The following FUT9 variants were observed in gnomAD, a reference collection of about 807,000 sequenced individuals.
FUT9 encodes the protein 4-galactosyl-N-acetylglucosaminide 3-alpha-L-fucosyltransferase 9.
FUT9 carries 15 observed loss-of-function variants against 29.7 expected under a neutral mutation model. The observed-to-expected ratio is 0.51, with a 90% CI of 0.34 to 0.78. The LOEUF is 0.78. Among genes scored for constraint, FUT9 ranks in the 30% least tolerant of loss-of-function variants. FUT9 has a pLI of 0.01. For missense variants in FUT9, 319 were observed against 425.4 expected, an observed-to-expected ratio of 0.75 and a Z score of 2.20; for synonymous variants, 169 against 153.7, an observed-to-expected ratio of 1.10 and a Z score of -0.74.
intron 1 of FUT9, among the ~76,000 whole-genome samples, chr6:96,035,975 CATTATGTTTATTATATTAATATAATAT>C: frequency 7.0e-5 from 4 of 56,900 alleles, no homozygotes; most frequent in Non-Finnish European, 1.2e-4. Flanking sequence ...TAATATAATA[CATTATGTTTATTATATTAATATAATAT>C]AATACATTAT....
intron 1 of FUT9, among the ~76,000 whole-genome samples, chr6:96,062,335 T>C (rs939262437): frequency 5.3e-5 from 8 of 150,880 alleles, no homozygotes; most frequent in African/African-American, 1.9e-4. Context: ...AAATCTTTAC[T>C]CTCTATAGCT....
At chr6:96,043,721 T>C (rs915288335) in intron 1 of FUT9, among the ~76,000 whole-genome samples, 2 of 152,210 alleles carry the variant, frequency 1.3e-5, no homozygotes, top group East Asian at 3.9e-4. Flanking sequence ...GAAAGAATGC[T>C]CCCACAGGGG....
intron 1 of FUT9, among the ~76,000 whole-genome samples, chr6:96,070,145 A>G (rs1771033542): frequency 6.6e-6 from 1 of 152,188 alleles, no homozygotes; most frequent in African/African-American, 2.4e-5. Context: ...TACCTTGTTG[A>G]TGAGCTGATA....
chr6:96,208,204 C>T lies in FUT9; in HGVS notation c.*3969C>T, dbSNP rs1264149278. 8 of 48,260 alleles carry T rather than the reference C, an allele frequency of 1.7e-4. No individual in the cohort carries two copies. The highest frequency in any genetic ancestry group is 3.6e-4 in the African/African-American group (8 of 22,520). The allele number at this position is 48,260 out of a possible 1,614,324, so 3.0% of individuals were successfully genotyped here. The stretch of plus-strand genomic sequence containing the variant: ...AATATTAAAAGAATAGGAAACTATG[C>T]CTCTGATATTTTTTTTGTCAGCCTA... On this transcript the variant is annotated 3_prime_UTR_variant, in exon 3 of 3. Coordinates refer to ENST00000302103, the MANE Select transcript of FUT9 (RefSeq NM_006581.4).
At chr6:96,112,865 T>C (rs1423750008) in intron 1 of FUT9, among the ~76,000 whole-genome samples, 1 of 152,222 alleles carries the variant, frequency 6.6e-6, no homozygotes, top group Non-Finnish European at 1.5e-5. Context: ...CTTTAAGTTA[T>C]TCCATAGTTT....
rs187058784 is a variant in FUT9, at chr6:96,047,290, C to A, written c.-98+31078C>A. Among the ~76,000 whole-genome samples, 693 of 152,290 alleles carry A rather than the reference C, an allele frequency of 4.6e-3. 7 individuals carry two copies. Among genetic ancestry groups the A allele is most frequent in the African/African-American group, 0.015 (638 of 41,560 alleles). ...ATGTGTGACCCTCTCAGGCCTCTCT[C>A]AGAAGCCACGAAAATAGCTATATTT... On this transcript the variant is annotated intron_variant, in intron 1 of 2. Transcript: ENST00000302103.
intron 1 of FUT9, among the ~76,000 whole-genome samples, chr6:96,048,961 G>C (rs1482875003): frequency 6.6e-6 from 1 of 152,118 alleles, no homozygotes; most frequent in Non-Finnish European, 1.5e-5. Context: ...CTCTCACTGT[G>C]CTTCACTCTC....
At chr6:96,124,090 A>T (rs1280597479) in intron 2 of FUT9, among the ~76,000 whole-genome samples, 3 of 151,958 alleles carry the variant, frequency 2.0e-5, no homozygotes, top group African/African-American at 7.2e-5. Flanking sequence ...ATTTTGTGGG[A>T]TCACAAATGT....
At chr6:96,182,355 C>T (rs7749142) in intron 2 of FUT9, among the ~76,000 whole-genome samples, 138,651 of 152,080 alleles carry the variant, frequency 0.91, 64,579 homozygotes, top group Non-Finnish European at 1. Context: ...TGAAGATGTT[C>T]GCTTATTCTG....
At chr6:96,180,497 G>GT (rs1773285291) in intron 2 of FUT9, among the ~76,000 whole-genome samples, 2 of 151,992 alleles carry the variant, frequency 1.3e-5, no homozygotes, top group Non-Finnish European at 2.9e-5. Context: ...TAAGTGAAGG[G>GT]TTTTTTGGTT....
intron 2 of FUT9, among the ~76,000 whole-genome samples, chr6:96,151,187 G>A (rs1772668514): frequency 6.6e-6 from 1 of 152,160 alleles, no homozygotes; most frequent in African/African-American, 2.4e-5. Context: ...GGAAAGTGAG[G>A]AGAACCCTGC....
intron 2 of FUT9, among the ~76,000 whole-genome samples, chr6:96,159,694 T>C (rs1772860779): frequency 6.6e-6 from 1 of 152,170 alleles, no homozygotes; most frequent in Admixed American, 6.5e-5. Context: ...TCCATTCATT[T>C]AGCTCCCATT....
At chr6:96,051,494 A>AG (rs1165035872) in intron 1 of FUT9, among the ~76,000 whole-genome samples, 1 of 151,960 alleles carries the variant, frequency 6.6e-6, no homozygotes, top group Non-Finnish European at 1.5e-5. Flanking sequence ...CTAAAAAAAA[A>AG]TGAAGAAAAT....
intron 1 of FUT9, among the ~76,000 whole-genome samples, chr6:96,022,237 G>C (rs1770082114): frequency 6.6e-6 from 1 of 151,948 alleles, no homozygotes; most frequent in South Asian, 2.1e-4. Context: ...GACTTTCAAG[G>C]GTCCTAAAAG....
intron 2 of FUT9, among the ~76,000 whole-genome samples, chr6:96,194,145 G>T (rs1025186109): frequency 2.6e-5 from 4 of 152,068 alleles, no homozygotes; most frequent in Non-Finnish European, 2.9e-5. Flanking sequence ...TGGCACATGT[G>T]TACATAGGTA....
At chr6:96,032,039 C>T (rs1770271482) in intron 1 of FUT9, among the ~76,000 whole-genome samples, 1 of 151,480 alleles carries the variant, frequency 6.6e-6, no homozygotes, top group East Asian at 1.9e-4. Flanking sequence ...TTATTCTCAC[C>T]TTTTGCAGAA....
chr6:96,172,627 G>A (rs559684074), intron 2 of FUT9, among the ~76,000 whole-genome samples: 314 of 149,764 alleles, frequency 2.1e-3, no homozygotes, highest in Non-Finnish European at 3.5e-3. Context: ...CAAAAGTCAA[G>A]ACAAGGAGGA....
At chr6:96,107,980 G>A (rs1771723924) in intron 1 of FUT9, among the ~76,000 whole-genome samples, 2 of 144,954 alleles carry the variant, frequency 1.4e-5, no homozygotes, top group Middle Eastern at 3.3e-3. Context: ...GTCTCTCATG[G>A]CCACTTTTTT....
At chr6:96,037,643 ACT>A (rs1770386369) in intron 1 of FUT9, among the ~76,000 whole-genome samples, 1 of 151,666 alleles carries the variant, frequency 6.6e-6, no homozygotes, top group African/African-American at 2.4e-5. Context: ...TCTGGATAAA[ACT>A]CTGCAAATGC....
Sources: gnomAD v4.1 joint callset for allele counts (sites outside exome capture counted in the v4.1 genomes callset) on GRCh38, gnomAD v4.1.1 for gene constraint, MANE v1.5 for transcripts, NCBI Gene and HGNC (gene_info 2026-07-23, HGNC 2026-07-21) for gene names.